The following CACNA1C variants were observed in gnomAD, a reference collection of about 807,000 sequenced individuals.
CACNA1C encodes the protein calcium voltage-gated channel subunit alpha1 C, also known as voltage-dependent L-type calcium channel subunit alpha-1C.
Under a neutral mutation model 229.0 loss-of-function variants are expected in CACNA1C, and 30 were observed. That is an observed-to-expected ratio of 0.13 (90% CI 0.10 to 0.18). The LOEUF (loss-of-function observed/expected upper bound fraction) is 0.18, where lower values mean the gene tolerates loss of function less well. Ranked by LOEUF, CACNA1C falls within the 10% of genes least tolerant of loss-of-function variation. The pLI, the probability that CACNA1C is intolerant of heterozygous loss-of-function variation, is 1.00. For synonymous variants in CACNA1C, 1,114 were observed against 1,132.5 expected, an observed-to-expected ratio of 0.98 and a Z score of 0.33; for missense variants, 1,658 against 2,845.0, an observed-to-expected ratio of 0.58 and a Z score of 9.49.
At chr12:2,205,857 C>A (rs1362907451) in intron 3 of CACNA1C, among the ~76,000 whole-genome samples, 1 of 152,148 alleles carries the variant, frequency 6.6e-6, no homozygotes, top group Non-Finnish European at 1.5e-5. Flanking sequence ...GGCTCGTGGA[C>A]ATTTGTCTCC....
chr12:2,255,120 C>G (rs1600869593), intron 3 of CACNA1C, among the ~76,000 whole-genome samples: 1 of 152,136 alleles, frequency 6.6e-6, no homozygotes, highest in Non-Finnish European at 1.5e-5. Flanking sequence ...TCATGGCTGA[C>G]CTGCTGTGTG....
intron 1 of CACNA1C, among the ~76,000 whole-genome samples, chr12:2,087,223 G>A (rs952097723): frequency 9.2e-5 from 14 of 152,156 alleles, no homozygotes; most frequent in Non-Finnish European, 1.5e-4. Flanking sequence ...GTCTGGGACT[G>A]GACCATCTGA....
intron 29 of CACNA1C, among the ~76,000 whole-genome samples, chr12:2,631,507 G>A (rs1026221885): frequency 3.9e-5 from 6 of 152,158 alleles, no homozygotes; most frequent in African/African-American, 1.4e-4. Flanking sequence ...TTCATCTGGG[G>A]TCTTCACTTC....
chr12:2,526,657 G>A (rs1486240600), intron 9 of CACNA1C, among the ~76,000 whole-genome samples: 1 of 152,168 alleles, frequency 6.6e-6, no homozygotes, highest in Non-Finnish European at 1.5e-5. Context: ...GGAAATGATG[G>A]GCAAGAAACG....
chr12:2,668,041 C>T (rs1356470511), intron 37 of CACNA1C, among the ~76,000 whole-genome samples: 1 of 152,234 alleles, frequency 6.6e-6, no homozygotes, highest in Non-Finnish European at 1.5e-5. Flanking sequence ...CAAGCTTCTG[C>T]TCCAACTTGA....
rs1156471996 is a variant in CACNA1C at position 2,190,362 on chromosome 12, C to G, written c.477+69932C>G. Among the ~76,000 whole-genome samples, 6 of 152,208 alleles carry G rather than the reference C, an allele frequency of 3.9e-5. 1 individual carries two copies. Among genetic ancestry groups the G allele is most frequent in the Non-Finnish European group, 8.8e-5 (6 of 68,036 alleles). ...TGGCTGCACAGCAGGGAAGGCTTTG[C>G]TCATCCCCGCCCCGCAGTGCCCCAT... On this transcript the variant is annotated intron_variant, in intron 3 of 46. Coordinates refer to ENST00000399655, the MANE Select transcript of CACNA1C (RefSeq NM_000719.7).
At chr12:2,481,848 G>A (rs2099677041) in intron 5 of CACNA1C, among the ~76,000 whole-genome samples, 1 of 152,232 alleles carries the variant, frequency 6.6e-6, no homozygotes, top group Non-Finnish European at 1.5e-5. Context: ...TTCACAGAAC[G>A]TTTGTCAGCA....
chr12:2,477,397 G>GC (rs1296521855), intron 5 of CACNA1C, among the ~76,000 whole-genome samples: 1 of 152,162 alleles, frequency 6.6e-6, no homozygotes, highest in Non-Finnish European at 1.5e-5. Flanking sequence ...AAACTTAGAA[G>GC]CCCTCCAGGT....
chr12:2,214,930 G>C (rs1417465785), intron 3 of CACNA1C, among the ~76,000 whole-genome samples: 12 of 152,168 alleles, frequency 7.9e-5, no homozygotes, highest in Admixed American at 7.2e-4. Context: ...CTCAAGAAGA[G>C]AGAAGAGGAG....
At chr12:2,683,102 G>A (rs1396188137) in intron 43 of CACNA1C, among the ~76,000 whole-genome samples, 2 of 152,138 alleles carry the variant, frequency 1.3e-5, no homozygotes, top group African/African-American at 4.8e-5. Flanking sequence ...CCAGAAGAGG[G>A]CACTGGTGGC....
intron 1 of CACNA1C, among the ~76,000 whole-genome samples, chr12:2,081,350 C>T (rs1050013935): frequency 9.5e-5 from 6 of 62,954 alleles, no homozygotes; most frequent in Admixed American, 3.7e-4. Flanking sequence ...GTGGGTGGAT[C>T]ATGAGGTCAG....
intron 1 of CACNA1C, among the ~76,000 whole-genome samples, chr12:2,022,996 G>A (rs1481153037): frequency 2.0e-5 from 3 of 152,056 alleles, no homozygotes. Context: ...CACTGAGAAG[G>A]GCTCTGAGCC....
intron 3 of CACNA1C, among the ~76,000 whole-genome samples, chr12:2,272,274 C>A (rs912836702): frequency 3.3e-5 from 5 of 152,210 alleles, no homozygotes; most frequent in Non-Finnish European, 5.9e-5. Flanking sequence ...CTGCCTTACC[C>A]TGCCTGAAAA....
At chr12:2,419,742 G>A (rs1296395162) in intron 3 of CACNA1C, among the ~76,000 whole-genome samples, 3 of 152,180 alleles carry the variant, frequency 2.0e-5, no homozygotes, top group African/African-American at 7.2e-5. Flanking sequence ...GAGGAATAGT[G>A]GTTGCAGCAA....
chr12:2,452,032 G>A (rs2099383725), intron 4 of CACNA1C, among the ~76,000 whole-genome samples: 1 of 152,136 alleles, frequency 6.6e-6, no homozygotes, highest in South Asian at 2.1e-4. Context: ...TATTAAATGG[G>A]TAGCCCTTTG....
chr12:2,021,009 A>G (rs1038173354), intron 1 of CACNA1C, among the ~76,000 whole-genome samples: 1 of 152,114 alleles, frequency 6.6e-6, no homozygotes, highest in African/African-American at 2.4e-5. Context: ...TTTCCAGGGT[A>G]AGTAGGAAAA....
In CACNA1C at chr12:1,971,268, T is replaced by C. The variant is rs1302052667; in HGVS notation, c.139+67T>C. Reference sequence around the variant, plus strand: ...TTGAAATTTACTCTAAATATCCTAATGATACCTAGAATGTGACTTCCTCAC... The same window carrying C: ...TTGAAATTTACTCTAAATATCCTAACGATACCTAGAATGTGACTTCCTCAC... On this transcript the variant is annotated intron_variant, in intron 1 of 46. Coordinates refer to the CACNA1C transcript ENST00000682462. The surrounding 1 kb of genome is among the most constrained non-coding windows in gnomAD (Gnocchi z 4.2). 1.2e-6 allele frequency: 1 copy of C among 831,214 alleles called. No homozygotes were observed. Among genetic ancestry groups the C allele is most frequent in the African/African-American group, 1.8e-5 (1 of 56,760 alleles). The allele number at this position is 831,214 out of a possible 1,614,324, so 51.5% of individuals were successfully genotyped here.
At chr12:2,320,315 T>C (rs1487518064) in intron 3 of CACNA1C, among the ~76,000 whole-genome samples, 1 of 152,256 alleles carries the variant, frequency 6.6e-6, no homozygotes, top group Non-Finnish European at 1.5e-5. Context: ...AGCTGCCTCT[T>C]GGCCTTGCTT....
intron 1 of CACNA1C, among the ~76,000 whole-genome samples, chr12:2,019,264 C>A (rs1437262555): frequency 6.6e-6 from 1 of 152,002 alleles, no homozygotes; most frequent in Non-Finnish European, 1.5e-5. Flanking sequence ...AAGTTCAAGA[C>A]CAGCCTGGGC....
Sources: allele counts gnomAD v4.1 joint callset (sites outside exome capture counted in the v4.1 genomes callset), GRCh38; gene constraint gnomAD v4.1.1; non-coding constraint Gnocchi (gnomAD v3.1); transcripts MANE v1.5; gene names NCBI Gene and HGNC (gene_info 2026-07-23, HGNC 2026-07-21).